Variants in KSR2 observed in about 807,000 individuals in gnomAD.
KSR2 encodes kinase suppressor of ras 2.
Under a neutral mutation model 107.8 loss-of-function variants are expected in KSR2, and 25 were observed. That is an observed-to-expected ratio of 0.23 (90% CI 0.17 to 0.32). KSR2 has a LOEUF of 0.32. KSR2 is among the 10% of genes least tolerant of loss of function. The pLI is 1.00. For missense variants in KSR2, 887 were observed against 1,268.9 expected (o/e 0.70, Z 4.57); for synonymous variants, 480 against 507.0 (o/e 0.95, Z 0.71).
In KSR2 at chr12:117,794,623, TACAC is replaced by T. The variant is rs369623510; in HGVS notation, c.473-33103_473-33100del. 6.0e-3 allele frequency among the ~76,000 whole-genome samples: 825 copies of T among 138,012 alleles called. 1 individual carries two copies. Among genetic ancestry groups the T allele is most frequent in the Non-Finnish European group, 8.9e-3 (569 of 64,258 alleles). 90.5% of individuals were successfully genotyped at this position (138,012 alleles called of 152,430 possible). A position where few individuals can be genotyped will look rare whatever the true frequency, so the allele number is the denominator to read the frequency against. ...CACACCAACATGCACACATACACCA[TACAC>T]ACACACACCAATATGCACACTCAAA... is the stretch of plus-strand genomic sequence containing the variant. On this transcript the variant is annotated intron_variant, in intron 3 of 19. Transcript: ENST00000339824.
chr12:117,793,369 A>G, intron 3 of KSR2, among the ~76,000 whole-genome samples: 1 of 148,882 alleles, frequency 6.7e-6, no homozygotes, highest in Admixed American at 6.7e-5. Flanking sequence ...TCACACCAAC[A>G]TGCACACACA....
intron 4 of KSR2, among the ~76,000 whole-genome samples, chr12:117,732,681 C>T (rs1272309153): frequency 6.6e-6 from 1 of 152,138 alleles, no homozygotes; most frequent in African/African-American, 2.4e-5. Context: ...GAGGCCTCAG[C>T]TGGAGGCCTA....
chr12:117,820,557 C>T (rs545996377), intron 3 of KSR2, among the ~76,000 whole-genome samples: 2 of 152,288 alleles, frequency 1.3e-5, no homozygotes, highest in South Asian at 4.1e-4. Flanking sequence ...CAGGCTCTGG[C>T]TCCAGACCCT....
Position 117,576,843 on chromosome 12 carries a change from T to C in KSR2, c.1325+2276A>G, listed in dbSNP as rs553128489. Reference sequence around the variant, plus strand: ...ATTTATTTGTGTGTGTGTGTGTGGATGGGGTTCTCACGATGTTGCCAAAGC... The same window carrying C: ...ATTTATTTGTGTGTGTGTGTGTGGACGGGGTTCTCACGATGTTGCCAAAGC... On this transcript the variant is annotated intron_variant, in intron 7 of 19. Coordinates refer to ENST00000339824, the MANE Select transcript of KSR2 (RefSeq NM_173598.6). 7.9e-5 allele frequency among the ~76,000 whole-genome samples: 12 copies of C among 151,806 alleles called. No homozygotes were observed. In the South Asian group the frequency reaches 1.9e-3, roughly 24 times the overall value.
At chr12:117,675,904 C>T (rs1035187043) in intron 4 of KSR2, among the ~76,000 whole-genome samples, 4 of 152,230 alleles carry the variant, frequency 2.6e-5, no homozygotes, top group Non-Finnish European at 5.9e-5. Flanking sequence ...CAGCAAAATG[C>T]TAATCCAGTA....
chr12:117,891,967 T>G (rs1389002242), intron 1 of KSR2, among the ~76,000 whole-genome samples: 1 of 99,920 alleles, frequency 1.0e-5, no homozygotes, highest in Non-Finnish European at 1.9e-5. Context: ...GCCACTGCAC[T>G]CCAGCCTGGG....
Position 117,642,024 on chromosome 12 carries a change from C to T in KSR2, c.1171+25450G>A, listed in dbSNP as rs564532597. On this transcript the variant is annotated intron_variant, in intron 5 of 19. Coordinates refer to ENST00000339824, the MANE Select transcript of KSR2 (RefSeq NM_173598.6). ...CTTAAATGCACTTCCATCCCATCCC[C>T]GTTCATCATCTGGCTGGCCCTACTC... is the stretch of plus-strand genomic sequence containing the variant. Among the ~76,000 whole-genome samples the T allele has an allele frequency of 5.3e-5, 8 of 152,274 alleles. No individual in the cohort carries two copies. In the East Asian group the frequency reaches 1.4e-3, roughly 26 times the overall value.
chr12:117,743,411 C>A (rs1249907885), intron 4 of KSR2, among the ~76,000 whole-genome samples: 1 of 152,200 alleles, frequency 6.6e-6, no homozygotes, highest in Admixed American at 6.5e-5. Context: ...TATGGACAAC[C>A]AAATGACAAA....
intron 4 of KSR2, among the ~76,000 whole-genome samples, chr12:117,683,939 A>G (rs1480031903): frequency 5.3e-5 from 8 of 152,240 alleles, no homozygotes; most frequent in South Asian, 2.1e-4. Context: ...ACGTATGACC[A>G]TGTTCCGATA....
intron 5 of KSR2, among the ~76,000 whole-genome samples, chr12:117,638,092 G>T (rs908873304): frequency 6.6e-6 from 1 of 152,036 alleles, no homozygotes; most frequent in African/African-American, 2.4e-5. Context: ...ATAAAAAGAG[G>T]CTGCCAATGA....
chr12:117,896,352 G>A (rs1894508436), intron 1 of KSR2, among the ~76,000 whole-genome samples: 1 of 152,188 alleles, frequency 6.6e-6, no homozygotes, highest in South Asian at 2.1e-4. Flanking sequence ...AAGTAGATTA[G>A]TGGTTGCCAG....
At chr12:117,699,526 G>A (rs917145080) in intron 4 of KSR2, among the ~76,000 whole-genome samples, 2 of 152,170 alleles carry the variant, frequency 1.3e-5, no homozygotes, top group African/African-American at 4.8e-5. Context: ...GCATGTTACT[G>A]TACTGAATGC....
rs536366181 is a variant in KSR2, at chr12:117,920,088, G to A, written c.180+47988C>T. Among the ~76,000 whole-genome samples, 12 of 152,210 alleles carry A rather than the reference G, an allele frequency of 7.9e-5. No individual in the cohort carries two copies. The South Asian group carries it at 1.9e-3, about 24-fold the overall frequency. Reference sequence around the variant, plus strand: ...GAATAGGCTGGGCATGGTGGCTCACGCCTGTAATAATTTTTAACAATTTAT... The same window carrying A: ...GAATAGGCTGGGCATGGTGGCTCACACCTGTAATAATTTTTAACAATTTAT... On this transcript the variant is annotated intron_variant, in intron 1 of 19. Coordinates refer to ENST00000339824, the MANE Select transcript of KSR2 (RefSeq NM_173598.6).
rs191047673 is a variant in KSR2 at position 117,563,150 on chromosome 12, G to C, written c.1326-4577C>G. On this transcript the variant is annotated intron_variant, in intron 7 of 19. Transcript: ENST00000339824. ...ACCCATGGAAGAAAGAGCTACTAGC[G>C]TGTAATTTACCAGGAGACCACCTGC... 2.6e-5 allele frequency among the ~76,000 whole-genome samples: 4 copies of C among 152,096 alleles called. No individual in the cohort carries two copies. The East Asian group carries it at 7.7e-4, about 29-fold the overall frequency.
At chr12:117,758,545 G>A (rs907394659) in intron 4 of KSR2, among the ~76,000 whole-genome samples, 1 of 152,132 alleles carries the variant, frequency 6.6e-6, no homozygotes, top group Non-Finnish European at 1.5e-5. Context: ...AGGAAGTGAT[G>A]AGCTTGCTAA....
intron 3 of KSR2, among the ~76,000 whole-genome samples, chr12:117,834,196 G>A (rs1309378249): frequency 6.6e-6 from 1 of 151,488 alleles, no homozygotes; most frequent in African/African-American, 2.4e-5. Context: ...CGAAGGACTC[G>A]GCTGAATAAA....
intron 4 of KSR2, among the ~76,000 whole-genome samples, chr12:117,731,143 G>A (rs531012046): frequency 6.4e-4 from 92 of 143,404 alleles, no homozygotes; most frequent in African/African-American, 2.2e-3. Context: ...GGTGAGGAGC[G>A]TCTCTGCCCG....
chr12:117,782,845 T>C (rs1194626926), intron 3 of KSR2, among the ~76,000 whole-genome samples: 2 of 152,166 alleles, frequency 1.3e-5, no homozygotes, highest in Non-Finnish European at 2.9e-5. Flanking sequence ...CAGGAAAGGC[T>C]GTAGGGTAAG....
intron 5 of KSR2, among the ~76,000 whole-genome samples, chr12:117,612,852 GAGTT>G (rs1881677701): frequency 6.6e-6 from 1 of 152,152 alleles, no homozygotes; most frequent in Non-Finnish European, 1.5e-5. Context: ...GATAGTGAGT[GAGTT>G]CTCACCAGAC....
Sources: allele counts gnomAD v4.1 joint callset (sites outside exome capture counted in the v4.1 genomes callset), GRCh38; gene constraint gnomAD v4.1.1; transcripts MANE v1.5; gene names NCBI Gene and HGNC (gene_info 2026-07-23, HGNC 2026-07-21).